Variants in SRFBP1 observed in about 807,000 individuals in gnomAD.
SRFBP1 encodes the protein serum response factor-binding protein 1.
A neutral mutation model predicts 45.5 loss-of-function variants in SRFBP1; 47 were observed. The ratio of observed to expected loss-of-function variants is 1.03; its 90% CI spans 0.82 to 1.32. The LOEUF is 1.32. Ranked by LOEUF, SRFBP1 falls within the 40% of genes most tolerant of loss-of-function variation. The pLI is 0.00. For missense variants in SRFBP1, 621 were observed against 484.6 expected (o/e 1.28, Z -2.64); for synonymous variants, 203 against 166.3 (o/e 1.22, Z -1.70).
intron 2 of SRFBP1, among the ~76,000 whole-genome samples, 197 bp downstream of exon 2, chr5:121,974,481 A>T (rs1384408195): frequency 6.6e-6 from 1 of 151,944 alleles, no homozygotes; most frequent in African/African-American, 2.4e-5. Flanking sequence ...TTGGACCATC[A>T]TTGCTCAAGA....
chr5:122,036,322 T>G (rs1419235522), intron 2 of SRFBP1, among the ~76,000 whole-genome samples: 4 of 152,140 alleles, frequency 2.6e-5, no homozygotes, highest in African/African-American at 9.7e-5. Flanking sequence ...GATTTATATC[T>G]ATGTGACTGA....
At chr5:122,012,660 TA>T (rs995176311) in intron 4 of SRFBP1, among the ~76,000 whole-genome samples, 11 of 152,122 alleles carry the variant, frequency 7.2e-5, no homozygotes, top group Non-Finnish European at 2.9e-5. Context: ...AAGGACCAGA[TA>T]TATACTAAGG....
chr5:121,987,589 T>C (rs1216925138), intron 3 of SRFBP1, among the ~76,000 whole-genome samples: 2 of 152,210 alleles, frequency 1.3e-5, no homozygotes, highest in Non-Finnish European at 2.9e-5. Context: ...AAATGACTCA[T>C]TTTCAAATAG....
chr5:122,040,756 A>G (rs773237224), intron 2 of SRFBP1, among the ~76,000 whole-genome samples: 2 of 152,178 alleles, frequency 1.3e-5, no homozygotes, highest in African/African-American at 2.4e-5. Context: ...CAATTAATGT[A>G]CCTAAAGTAT....
rs79348139 is a variant in SRFBP1 at position 122,016,275 on chromosome 5, A to G, written c.271-2985A>G. ...CTCCTATGCCATTCTTATTATTTGT[A>G]TCCTTCCTCATTTTAGGGGAGCCAG... On this transcript the variant is annotated intron_variant, in intron 4 of 7. Transcript: ENST00000339397. 6.6e-4 allele frequency among the ~76,000 whole-genome samples: 100 copies of G among 152,252 alleles called. 2 individuals carry two copies. The East Asian group carries it at 0.018, about 28-fold the overall frequency.
intron 2 of SRFBP1, among the ~76,000 whole-genome samples, chr5:122,057,332 A>G (rs953994311): frequency 5.3e-5 from 8 of 152,168 alleles, no homozygotes; most frequent in African/African-American, 1.9e-4. Context: ...TCGAATTACT[A>G]TCAGAAGAAA....
chr5:122,007,891 A>C (rs1173044259), intron 4 of SRFBP1, among the ~76,000 whole-genome samples: 2 of 152,164 alleles, frequency 1.3e-5, no homozygotes, highest in Admixed American at 1.3e-4. Flanking sequence ...TTAGTGCTGC[A>C]TAGGCCTGTA....
intron 2 of SRFBP1, chr5:122,070,029 C>G (rs768665449): frequency 4.7e-6 from 7 of 1,500,646 alleles, no homozygotes; most frequent in Middle Eastern, 3.4e-4. Context: ...ACAACAATTA[C>G]TTAGCTAAGC....
At chr5:122,038,500 T>G (rs769134696) in intron 2 of SRFBP1, among the ~76,000 whole-genome samples, 1 of 152,238 alleles carries the variant, frequency 6.6e-6, no homozygotes, top group South Asian at 2.1e-4. Context: ...AATCATTTAC[T>G]AGTTTGCAAG....
chr5:121,994,519 C>A, intron 3 of SRFBP1, 80 bp from the exon 4 acceptor site: 2 of 868,346 alleles, frequency 2.3e-6, no homozygotes, highest in Non-Finnish European at 3.6e-6. Flanking sequence ...TATTAAGTTT[C>A]TTAAGATACG....
chr5:121,990,871 C>A (rs763130067), intron 3 of SRFBP1, among the ~76,000 whole-genome samples: 3 of 152,160 alleles, frequency 2.0e-5, no homozygotes, highest in African/African-American at 4.8e-5. Flanking sequence ...TCCCAACAAG[C>A]TGGTTAGAAT....
At chr5:122,032,150 A>T (rs1332003372), downstream of SRFBP1, among the ~76,000 whole-genome samples, 3 of 152,194 alleles carry the variant, frequency 2.0e-5, no homozygotes, top group Non-Finnish European at 2.9e-5. Context: ...GATATATATA[A>T]AGTTCCCTGG....
intron 1 of SRFBP1, among the ~76,000 whole-genome samples, chr5:121,963,049 G>A (rs886785988): frequency 6.6e-6 from 1 of 152,184 alleles, no homozygotes; most frequent in East Asian, 1.9e-4. Flanking sequence ...GGTGATACTT[G>A]TCCTTGGTCT....
Position 121,979,616 on chromosome 5 carries a change from C to T in SRFBP1, c.198+4229C>T, listed in dbSNP as rs146711012. ...AATCGTGTTATCAAATCAGACTCAACGTGTTAGAGATCTCACCTAGAATCA... is the reference window on the plus strand; with the variant it reads ...AATCGTGTTATCAAATCAGACTCAATGTGTTAGAGATCTCACCTAGAATCA... On this transcript the variant is annotated intron_variant, in intron 3 of 7. Coordinates refer to ENST00000339397, the MANE Select transcript of SRFBP1 (RefSeq NM_152546.3). Among the ~76,000 whole-genome samples the T allele has an allele frequency of 1.6e-3, 237 of 152,214 alleles. 2 individuals carry two copies. Among genetic ancestry groups the T allele is most frequent in the African/African-American group, 5.4e-3 (223 of 41,538 alleles).
In SRFBP1 at chr5:121,974,273, G is replaced by A; in HGVS notation, c.114G>A (p.Leu38=). Reference sequence around the variant, plus strand: ...AACTTGTCAGGAGTGTTGGCCGACTGAAGTCAAAAAAGTTAGTCATTTAAA... The same window carrying A: ...AACTTGTCAGGAGTGTTGGCCGACTAAAGTCAAAAAAGTTAGTCATTTAAA... The part of the protein sequence containing the change: ...IRKLVRSVGR[L]KSKKGTEDAL... The change falls in exon 2 of 8, where the codon CTG becomes CTA. Residue 38 remains leucine, a synonymous_variant. Coordinates refer to ENST00000339397, the MANE Select transcript of SRFBP1 (RefSeq NM_152546.3). 6 of 1,610,456 alleles carry A rather than the reference G, an allele frequency of 3.7e-6. No homozygotes were observed. The highest frequency in any genetic ancestry group is 5.1e-6 in the Non-Finnish European group (6 of 1,177,418).
intron 1 of SRFBP1, among the ~76,000 whole-genome samples, chr5:121,967,511 A>G (rs1046859042): frequency 2.0e-5 from 3 of 152,278 alleles, no homozygotes; most frequent in Non-Finnish European, 4.4e-5. Flanking sequence ...GTTATCATCC[A>G]TATGATAAAA....
At chr5:122,028,993 C>A (rs1357266217), downstream of SRFBP1, among the ~76,000 whole-genome samples, 1 of 152,104 alleles carries the variant, frequency 6.6e-6, no homozygotes, top group Non-Finnish European at 1.5e-5. Flanking sequence ...ATCAGATGGT[C>A]ATTTTGAGGT....
chr5:122,077,959 C>T, downstream of SRFBP1: 1 of 1,475,610 alleles, frequency 6.8e-7, no homozygotes, highest in South Asian at 1.5e-5. The surrounding 1 kb of genome is among the most constrained non-coding windows in gnomAD (Gnocchi z 4.9). Context: ...AAGGCCCGAG[C>T]AGGAGCACGG....
At chr5:122,003,795 A>G (rs1052560091) in intron 4 of SRFBP1, among the ~76,000 whole-genome samples, 2 of 151,998 alleles carry the variant, frequency 1.3e-5, no homozygotes, top group Admixed American at 1.3e-4. Context: ...TTTAATTTGC[A>G]TTTCCCTAAT....
Sources: allele counts gnomAD v4.1 joint callset (sites outside exome capture counted in the v4.1 genomes callset), GRCh38; gene constraint gnomAD v4.1.1; non-coding constraint Gnocchi (gnomAD v3.1); transcripts MANE v1.5; gene names NCBI Gene and HGNC (gene_info 2026-07-23, HGNC 2026-07-21).